SEMA3A: variants seen among roughly 807,000 people sequenced by gnomAD.
SEMA3A encodes semaphorin 3A.
A neutral mutation model predicts 97.9 loss-of-function variants in SEMA3A; 29 were observed. The ratio of observed to expected loss-of-function variants is 0.30; its 90% CI spans 0.22 to 0.40. The LOEUF is 0.40. SEMA3A is among the 10% of genes least tolerant of loss of function. The pLI is 1.00. For synonymous variants in SEMA3A, 321 were observed against 323.7 expected (o/e 0.99, Z 0.09); for missense variants, 763 against 951.3 (o/e 0.80, Z 2.60).
rs1383711745 is a variant in SEMA3A, at chr7:84,160,255, AT to A, written c.113-25305del. On this transcript the variant is annotated intron_variant, in intron 1 of 16. Coordinates refer to ENST00000265362, the MANE Select transcript of SEMA3A (RefSeq NM_006080.3). ...TATCTATCTATCTATCTATCTATCT[AT>A]CTATCTATCTATCTATCTATCGTTA... 2.9e-4 allele frequency among the ~76,000 whole-genome samples: 43 copies of A among 148,842 alleles called. No individual in the cohort carries two copies. The East Asian group carries it at 7.9e-3, about 28-fold the overall frequency.
At chr7:84,057,880 A>T (rs1250215627) in intron 5 of SEMA3A, among the ~76,000 whole-genome samples, 1 of 152,162 alleles carries the variant, frequency 6.6e-6, no homozygotes, top group African/African-American at 2.4e-5. Flanking sequence ...AAAACTTAGG[A>T]CATGTTCTTG....
chr7:84,268,425 A>C (rs915968739), intron 3 of SEMA3A, among the ~76,000 whole-genome samples: 1 of 151,992 alleles, frequency 6.6e-6, no homozygotes, highest in African/African-American at 2.4e-5. Context: ...GCAGTAGAGA[A>C]GAGTAAAGTT....
intron 3 of SEMA3A, among the ~76,000 whole-genome samples, chr7:84,268,387 AC>A (rs1800064452): frequency 6.6e-6 from 1 of 151,170 alleles, no homozygotes; most frequent in Non-Finnish European, 1.5e-5. Flanking sequence ...TTTCCTTCTC[AC>A]CTCCAGCTTG....
intron 1 of SEMA3A, among the ~76,000 whole-genome samples, chr7:84,464,426 T>C (rs1805939349): frequency 6.6e-6 from 1 of 152,134 alleles, no homozygotes; most frequent in Non-Finnish European, 1.5e-5. Context: ...TGGGAAGATA[T>C]GGAGAAAGAA....
intron 3 of SEMA3A, among the ~76,000 whole-genome samples, chr7:84,249,717 T>A (rs865995538): frequency 1.1e-4 from 17 of 151,718 alleles, no homozygotes; most frequent in South Asian, 2.1e-4. Flanking sequence ...TGAGTCTGGT[T>A]CCAACTCTTA....
intron 1 of SEMA3A, among the ~76,000 whole-genome samples, chr7:84,404,673 C>T (rs1272212489): frequency 6.6e-6 from 1 of 152,150 alleles, no homozygotes; most frequent in Non-Finnish European, 1.5e-5. Context: ...AAAGGGAAGC[C>T]CATCAGACTA....
chr7:84,018,099 G>A (rs565523951), intron 6 of SEMA3A, among the ~76,000 whole-genome samples: 1 of 152,226 alleles, frequency 6.6e-6, no homozygotes, highest in African/African-American at 2.4e-5. Flanking sequence ...AAAGCACCCT[G>A]CTCTTCGTCA....
intron 5 of SEMA3A, among the ~76,000 whole-genome samples, chr7:84,055,968 A>C (rs2115659368): frequency 6.6e-6 from 1 of 152,328 alleles, no homozygotes. Context: ...TCTAGAAATT[A>C]TTGTCTACAT....
intron 12 of SEMA3A, among the ~76,000 whole-genome samples, chr7:83,998,960 G>T (rs1427071464): frequency 1.3e-5 from 2 of 152,034 alleles, no homozygotes; most frequent in East Asian, 3.9e-4. Context: ...TATTATAGGA[G>T]ATAACACATT....
At chr7:84,073,024 A>G (rs766548835) in intron 4 of SEMA3A, among the ~76,000 whole-genome samples, 1 of 152,148 alleles carries the variant, frequency 6.6e-6, no homozygotes, top group Non-Finnish European at 1.5e-5. Context: ...TGCAAGATTC[A>G]CAAACATAAT....
chr7:84,338,897 G>A (rs1802096461), intron 2 of SEMA3A, among the ~76,000 whole-genome samples: 1 of 152,120 alleles, frequency 6.6e-6, no homozygotes. Flanking sequence ...AGAACTGCAT[G>A]GCCAAATCTA....
chr7:84,488,543 G>T (rs747306787), intron 1 of SEMA3A, among the ~76,000 whole-genome samples: 1 of 151,886 alleles, frequency 6.6e-6, no homozygotes, highest in Non-Finnish European at 1.5e-5. Flanking sequence ...AGACTATTGT[G>T]ATTAGAGTGA....
chr7:83,965,138 G>A (rs904791424), intron 15 of SEMA3A, among the ~76,000 whole-genome samples: 111 of 148,036 alleles, frequency 7.5e-4, no homozygotes, highest in African/African-American at 2.4e-3. Flanking sequence ...ATGGGGTTTC[G>A]CCATTTTAGC....
At chr7:84,386,954 C>T (rs1291043162) in intron 1 of SEMA3A, among the ~76,000 whole-genome samples, 3 of 152,066 alleles carry the variant, frequency 2.0e-5, no homozygotes, top group East Asian at 3.9e-4. Context: ...GAGCCGAGAT[C>T]GCACCACTGC....
Position 84,189,348 on chromosome 7 carries a change from T to C in SEMA3A, c.112+5127A>G, listed in dbSNP as rs562414266. 3.3e-5 allele frequency among the ~76,000 whole-genome samples: 5 copies of C among 151,918 alleles called. No individual in the cohort carries two copies. In the East Asian group the frequency reaches 7.7e-4, roughly 23 times the overall value. ...AATATCATGACTTTGTAAATAGAAG[T>C]TGTTGGATAATGATCAATTCAAAAT... On this transcript the variant is annotated intron_variant, in intron 1 of 16. Coordinates refer to ENST00000265362, the MANE Select transcript of SEMA3A (RefSeq NM_006080.3).
At chr7:84,229,653 A>G (rs1352751742) in intron 3 of SEMA3A, among the ~76,000 whole-genome samples, 4 of 152,104 alleles carry the variant, frequency 2.6e-5, no homozygotes, top group African/African-American at 7.2e-5. Context: ...TCTGTAGAGT[A>G]GAAACAAAAT....
At chr7:84,233,300 C>T (rs1251572651) in intron 3 of SEMA3A, among the ~76,000 whole-genome samples, 2 of 151,800 alleles carry the variant, frequency 1.3e-5, no homozygotes, top group Non-Finnish European at 2.9e-5. Flanking sequence ...CATTTTAAAC[C>T]CCCAATTCCC....
chr7:84,426,074 G>A (rs556758478), intron 1 of SEMA3A, among the ~76,000 whole-genome samples: 2 of 151,186 alleles, frequency 1.3e-5, no homozygotes, highest in East Asian at 3.9e-4. Context: ...TTAGACTCAG[G>A]AAGGGAAGGG....
chr7:84,473,715 T>A (rs1161610126), intron 1 of SEMA3A, among the ~76,000 whole-genome samples: 1 of 152,084 alleles, frequency 6.6e-6, no homozygotes, highest in East Asian at 1.9e-4. Context: ...TATGGAATAG[T>A]TAAATATAAA....
Sources: gnomAD v4.1 joint callset for allele counts (sites outside exome capture counted in the v4.1 genomes callset) on GRCh38, gnomAD v4.1.1 for gene constraint, MANE v1.5 for transcripts, NCBI Gene and HGNC (gene_info 2026-07-23, HGNC 2026-07-21) for gene names.